VRK1: variants seen among roughly 807,000 people sequenced by gnomAD.
VRK1 encodes the protein serine/threonine-protein kinase VRK1.
VRK1 carries 33 observed loss-of-function variants against 57.1 expected under a neutral mutation model. The ratio of observed to expected loss-of-function variants is 0.58; its 90% CI spans 0.44 to 0.77. The LOEUF (loss-of-function observed/expected upper bound fraction) is 0.77, where lower values mean the gene tolerates loss of function less well. VRK1 is among the 30% of genes least tolerant of loss of function. The probability of loss-of-function intolerance (pLI) is 0.00; values close to 1 mark genes in which losing one functional copy is unlikely to be tolerated. For missense variants in VRK1, 413 were observed against 477.3 expected (o/e 0.87, Z 1.25); for synonymous variants, 137 against 147.8 (o/e 0.93, Z 0.53).
intron 1 of VRK1, among the ~76,000 whole-genome samples, chr14:96,807,944 T>TCTCTCCCTCC: frequency 1.3e-5 from 2 of 151,644 alleles, no homozygotes; most frequent in African/African-American, 2.4e-5. Context: ...TCTTTCTCTG[T>TCTCTCCCTCC]CTCTCTCTCT....
At chr14:96,869,100 A>G (rs1888708621) in intron 11 of VRK1, among the ~76,000 whole-genome samples, 1 of 152,132 alleles carries the variant, frequency 6.6e-6, no homozygotes, top group South Asian at 2.1e-4. Flanking sequence ...GCCTCGTGTA[A>G]AAATGGATGA....
rs921125584 is a variant in VRK1, at chr14:96,807,799, G to A, written c.-6+10352G>A. 1.4e-4 allele frequency among the ~76,000 whole-genome samples: 22 copies of A among 152,212 alleles called. 1 individual carries two copies. Among genetic ancestry groups the A allele is most frequent in the African/African-American group, 4.8e-4 (20 of 41,522 alleles). ...TTCTTTTTATTGAATTTAACTAACT[G>A]CAACTTTTAAAGATATTTTGGAATC... is the stretch of plus-strand genomic sequence containing the variant. On this transcript the variant is annotated intron_variant, in intron 1 of 12. Coordinates refer to ENST00000216639, the MANE Select transcript of VRK1 (RefSeq NM_003384.3).
chr14:96,864,252 C>T (rs908622634), intron 11 of VRK1, among the ~76,000 whole-genome samples: 5 of 150,922 alleles, frequency 3.3e-5, no homozygotes, highest in Non-Finnish European at 5.9e-5. Flanking sequence ...GAAGTTGTTA[C>T]GTATGTATAG....
intron 1 of VRK1, among the ~76,000 whole-genome samples, chr14:96,816,599 A>G (rs1886403761): frequency 6.6e-6 from 1 of 152,208 alleles, no homozygotes; most frequent in Non-Finnish European, 1.5e-5. Flanking sequence ...GCAATGAGTA[A>G]TAAGCCTGTC....
chr14:96,860,615 T>G lies in VRK1; in HGVS notation c.948T>G (p.Leu316=). 6.2e-7 allele frequency: 1 copy of G among 1,613,206 alleles called. No homozygotes were observed. The highest frequency in any genetic ancestry group is 8.5e-7 in the Non-Finnish European group (1 of 1,179,456). Residue 316 remains leucine (L), a synonymous_variant, in exon 11 of 13, where the codon CTT becomes CTG. Coordinates refer to ENST00000216639, the MANE Select transcript of VRK1 (RefSeq NM_003384.3). ...VKLLDYTEKP[L]YENLRDILLQ... ...TACTAGACTACACTGAAAAACCTCTTTATGAAAATTTACGTGACATTCTTT... is the reference window on the plus strand; with the variant it reads ...TACTAGACTACACTGAAAAACCTCTGTATGAAAATTTACGTGACATTCTTT...
At chr14:96,853,317 T>G in intron 7 of VRK1, 151 bp downstream of exon 7, 1 of 717,404 alleles carries the variant, frequency 1.4e-6, no homozygotes, top group Non-Finnish European at 2.4e-6. Context: ...CTAGTTAACA[T>G]TCTACATTTT....
intron 1 of VRK1, among the ~76,000 whole-genome samples, chr14:96,808,415 G>A (rs574533620): frequency 3.3e-5 from 5 of 152,178 alleles, no homozygotes; most frequent in African/African-American, 9.6e-5. Flanking sequence ...TTTTTTTGAA[G>A]TGTAACAAAA....
At chr14:96,864,460 G>A (rs78056829) in intron 11 of VRK1, among the ~76,000 whole-genome samples, 132 of 152,134 alleles carry the variant, frequency 8.7e-4, no homozygotes, top group African/African-American at 2.9e-3. Flanking sequence ...ACAAAAATTT[G>A]TTGTTTTTCA....
chr14:96,801,022 G>GT (rs1309208628), intron 1 of VRK1, among the ~76,000 whole-genome samples: 1 of 152,118 alleles, frequency 6.6e-6, no homozygotes, highest in African/African-American at 2.4e-5. Flanking sequence ...AGAACTGAAA[G>GT]TCATTAGGAA....
chr14:96,853,537 A>G (rs1216846292), intron 7 of VRK1, among the ~76,000 whole-genome samples: 1 of 152,084 alleles, frequency 6.6e-6, no homozygotes, highest in Non-Finnish European at 1.5e-5. Flanking sequence ...TAAGTGTTCT[A>G]TTACTTGGAA....
chr14:96,863,158 G>A (rs1481242583), intron 11 of VRK1, among the ~76,000 whole-genome samples: 1 of 152,098 alleles, frequency 6.6e-6, no homozygotes, highest in Non-Finnish European at 1.5e-5. Flanking sequence ...TAGAATTTTG[G>A]GATGACATAA....
In VRK1 at chr14:96,837,652, C is replaced by T. The variant is rs1313461591; in HGVS notation, c.161-110C>T. The T allele has an allele frequency of 7.5e-6, 4 of 535,070 alleles. No homozygotes were observed. In the Admixed American group the frequency reaches 1.2e-4, roughly 16 times the overall value. The allele number at this position is 535,070 out of a possible 1,614,324, so 33.1% of individuals were successfully genotyped here. The stretch of plus-strand genomic sequence containing the variant: ...CTGTAATGATATCCTGAAACACATA[C>T]TTGGGAACTGAAGTGTATTCTATCA... On this transcript the variant is annotated intron_variant, in intron 2 of 12. Transcript: ENST00000216639.
At chr14:96,877,499 T>G (rs1427992122) in intron 12 of VRK1, 2 of 1,289,228 alleles carry the variant, frequency 1.6e-6, no homozygotes, top group Non-Finnish European at 2.0e-6. Flanking sequence ...ATTTTGTTAT[T>G]AGGAAGTGAG....
chr14:96,845,701 A>G (rs1887656238), intron 3 of VRK1, among the ~76,000 whole-genome samples: 2 of 152,184 alleles, frequency 1.3e-5, no homozygotes, highest in African/African-American at 4.8e-5. Context: ...TAATTGGTTA[A>G]ATTAGGTATT....
intron 1 of VRK1, among the ~76,000 whole-genome samples, chr14:96,807,601 C>T (rs1367611993): frequency 2.6e-5 from 4 of 152,154 alleles, no homozygotes. Flanking sequence ...ATATCACCTT[C>T]CTTCTTCTAC....
chr14:96,854,451 C>G (rs555804623), intron 7 of VRK1, among the ~76,000 whole-genome samples: 5 of 152,006 alleles, frequency 3.3e-5, no homozygotes, highest in African/African-American at 9.7e-5. Flanking sequence ...CTTCAGTTTC[C>G]TCTTGTGCCC....
rs1889259216 is a variant in VRK1, at chr14:96,881,553, A to C, written c.*345A>C. On this transcript the variant is annotated 3_prime_UTR_variant, in exon 13 of 13. Transcript: ENST00000216639. ...GATAAAAATGTTTGACAAAGTCCTC[A>C]CTTTTAAGGAAATGCAAAGCTTAAA... The C allele has an allele frequency of 5.1e-6, 1 of 197,054 alleles. No individual in the cohort carries two copies. The highest frequency in any genetic ancestry group is 1.3e-4 in the South Asian group (1 of 7,920). 12.2% of individuals were successfully genotyped at this position (197,054 alleles called of 1,614,324 possible).
At chr14:96,848,249 A>AC (rs1196153960) in intron 5 of VRK1, among the ~76,000 whole-genome samples, 1 of 152,120 alleles carries the variant, frequency 6.6e-6, no homozygotes, top group Non-Finnish European at 1.5e-5. Flanking sequence ...CAGGCACAGT[A>AC]CCCAAGGGCA....
chr14:96,853,019 T>A, intron 6 of VRK1, 55 bp from the exon 7 acceptor site: 1 of 1,606,584 alleles, frequency 6.2e-7, no homozygotes, highest in South Asian at 1.1e-5. Flanking sequence ...AGCTTGGTCC[T>A]CTGCTGGCTG....
Sources: allele counts gnomAD v4.1 joint callset (sites outside exome capture counted in the v4.1 genomes callset), GRCh38; gene constraint gnomAD v4.1.1; transcripts MANE v1.5; gene names NCBI Gene and HGNC (gene_info 2026-07-23, HGNC 2026-07-21).